The following NOD1 variants were observed in gnomAD, a reference collection of about 807,000 sequenced individuals.
NOD1 encodes nucleotide-binding oligomerization domain-containing protein 1.
In NOD1, 70 loss-of-function variants were observed where a neutral mutation model predicts 81.2. That is an observed-to-expected ratio of 0.86 (90% CI 0.71 to 1.05). NOD1 has a LOEUF of 1.05. NOD1 is among the 50% of genes least tolerant of loss of function. NOD1 has a pLI of 0.00. For synonymous variants in NOD1, 508 were observed against 526.9 expected, an observed-to-expected ratio of 0.96 and a Z score of 0.49; for missense variants, 1,233 against 1,228.0, an observed-to-expected ratio of 1.00 and a Z score of -0.06.
Position 30,467,657 on chromosome 7 carries a change from G to A in NOD1, c.-351-7616C>T, listed in dbSNP as rs377760479. On this transcript the variant is annotated intron_variant, in intron 1 of 13. Coordinates refer to ENST00000222823, the MANE Select transcript of NOD1 (RefSeq NM_006092.4). The surrounding 1 kb of genome is among the most constrained non-coding windows in gnomAD (Gnocchi z 4.5). ...TGAAAGTATCACAATAAATCTGATG[G>A]GATTGTGGGTGGGAACAGTTTTTTT... 1.6e-4 allele frequency among the ~76,000 whole-genome samples: 25 copies of A among 152,208 alleles called. No individual in the cohort carries two copies. The South Asian group carries it at 4.8e-3, about 29-fold the overall frequency.
intron 8 of NOD1, 43 bp downstream of exon 8, chr7:30,446,924 A>T: frequency 6.8e-7 from 1 of 1,460,802 alleles, no homozygotes; most frequent in Non-Finnish European, 9.5e-7. Context: ...GAAGGGGGTG[A>T]TCAAGAGAAT....
chr7:30,446,879 A>C (rs1218164077), intron 8 of NOD1, 88 bp downstream of exon 8: 1 of 1,074,348 alleles, frequency 9.3e-7, no homozygotes, highest in Admixed American at 2.2e-5. Flanking sequence ...TTAGGATGAA[A>C]GCTCTTTACT....
intron 6 of NOD1, among the ~76,000 whole-genome samples, chr7:30,448,748 A>T (rs1038344873): frequency 6.6e-6 from 1 of 152,304 alleles, no homozygotes; most frequent in African/African-American, 2.4e-5. Flanking sequence ...ATGGGTTTGG[A>T]AATGTCAGGG....
At chr7:30,446,810 A>T (rs989846636) in intron 8 of NOD1, 157 bp downstream of exon 8, 1 of 620,456 alleles carries the variant, frequency 1.6e-6, no homozygotes, top group Admixed American at 3.2e-5. Flanking sequence ...TCCAAGCCTC[A>T]CAGATCACAC....
At chr7:30,476,192 A>G (rs1016118904) in intron 1 of NOD1, among the ~76,000 whole-genome samples, 3 of 152,356 alleles carry the variant, frequency 2.0e-5, no homozygotes, top group East Asian at 1.9e-4. Context: ...TTGAACAAAT[A>G]TTGAATCCTT....
intron 12 of NOD1, among the ~76,000 whole-genome samples, chr7:30,430,119 G>A (rs1312472595): frequency 6.6e-6 from 1 of 152,160 alleles, no homozygotes; most frequent in East Asian, 1.9e-4. Context: ...GGTAGCTAGG[G>A]AAAGGCAAGG....
Position 30,452,708 on chromosome 7 carries a change from G to C in NOD1, c.709C>G (p.Arg237Gly), listed in dbSNP as rs565502191. The change falls in exon 6 of 14, where the codon CGC becomes GGC. Residue 237 changes from arginine to glycine, a missense_variant. By Grantham distance (125) the Arg-to-Gly change is moderately radical. Coordinates refer to ENST00000222823, the MANE Select transcript of NOD1 (RefSeq NM_006092.4). Reference protein sequence around the residue: ...GVKFFFHFRCRMFSCFKESDR... With the variant: ...GVKFFFHFRCGMFSCFKESDR... Reference sequence around the variant, plus strand: ...CTTTCCTTGAAGCAGCTGAACATGCGGCAGCGAAAGTGGAAGAAGAATTTG... The same window carrying C: ...CTTTCCTTGAAGCAGCTGAACATGCCGCAGCGAAAGTGGAAGAAGAATTTG... The C allele has an allele frequency of 6.2e-7, 1 of 1,613,942 alleles. No individual in the cohort carries two copies. Among genetic ancestry groups the C allele is most frequent in the Non-Finnish European group, 8.5e-7 (1 of 1,180,042 alleles).
chr7:30,437,283 A>G (rs1784460841), intron 10 of NOD1, among the ~76,000 whole-genome samples: 1 of 152,200 alleles, frequency 6.6e-6, no homozygotes, highest in Non-Finnish European at 1.5e-5. Flanking sequence ...TGCAGGGCTT[A>G]AAACCTAGAT....
chr7:30,472,641 A>G (rs1792824242), intron 1 of NOD1, among the ~76,000 whole-genome samples: 1 of 152,238 alleles, frequency 6.6e-6, no homozygotes, highest in Admixed American at 6.5e-5. Flanking sequence ...GGAGGTGAAT[A>G]GGTTTAAATG....
intron 11 of NOD1, 139 bp downstream of exon 11, chr7:30,435,859 A>G: frequency 1.5e-6 from 1 of 661,146 alleles, no homozygotes; most frequent in Non-Finnish European, 2.6e-6. Flanking sequence ...TCGGAAGGCC[A>G]AGGCGGGAGG....
At chr7:30,431,500 T>C (rs891818925) in intron 12 of NOD1, among the ~76,000 whole-genome samples, 3 of 152,236 alleles carry the variant, frequency 2.0e-5, no homozygotes, top group Non-Finnish European at 2.9e-5. Flanking sequence ...CATACATTTA[T>C]GGTCAATTGA....
chr7:30,475,656 G>A (rs1788699086), intron 1 of NOD1, among the ~76,000 whole-genome samples: 1 of 152,234 alleles, frequency 6.6e-6, no homozygotes, highest in Non-Finnish European at 1.5e-5. Flanking sequence ...AGGGAGGATG[G>A]CGAAGAGAAG....
chr7:30,427,100 T>G (rs928098017), intron 13 of NOD1, among the ~76,000 whole-genome samples: 8 of 152,308 alleles, frequency 5.3e-5, no homozygotes, highest in Admixed American at 5.2e-4. Flanking sequence ...CAGTCCCTGA[T>G]GCTCAAGCGT....
rs199476265 is a variant in NOD1 at position 30,448,408 on chromosome 7, G to A, written c.2202-27C>T. On this transcript the variant is annotated intron_variant, in intron 6 of 13. Coordinates refer to ENST00000222823, the MANE Select transcript of NOD1 (RefSeq NM_006092.4). The stretch of plus-strand genomic sequence containing the variant: ...TGAAATAAAACAGCAAAAAAATTAC[G>A]AGTCAGGGCAGGCACTCATTATGAA... The A allele has an allele frequency of 7.6e-6, 12 of 1,576,988 alleles. No individual in the cohort carries two copies. Among genetic ancestry groups the A allele is most frequent in the South Asian group, 5.5e-5 (5 of 90,372 alleles).
At chr7:30,457,834 T>G (rs1295955331) in intron 3 of NOD1, among the ~76,000 whole-genome samples, 1 of 151,796 alleles carries the variant, frequency 6.6e-6, no homozygotes, top group East Asian at 1.9e-4. Context: ...CTGCGGACGG[T>G]GATGTCTCAG....
At chr7:30,429,265 G>A (rs1783731310) in intron 13 of NOD1, 109 bp downstream of exon 13, 9 of 890,836 alleles carry the variant, frequency 1.0e-5, no homozygotes, top group Non-Finnish European at 1.5e-5. Context: ...TACTGTGCAG[G>A]GTTGCTGGAG....
At chr7:30,462,749 G>C (rs1018482446) in intron 1 of NOD1, among the ~76,000 whole-genome samples, 43 of 152,130 alleles carry the variant, frequency 2.8e-4, no homozygotes, top group African/African-American at 1.0e-3. Flanking sequence ...AGGAGTTCGA[G>C]ACCAGCCTGG....
chr7:30,456,113 C>G (rs1461175658), intron 4 of NOD1, among the ~76,000 whole-genome samples: 1 of 152,216 alleles, frequency 6.6e-6, no homozygotes, highest in African/African-American at 2.4e-5. Flanking sequence ...CTACTGCTTC[C>G]CCCAGAAACC....
At chr7:30,446,813 G>C (rs1785139277) in intron 8 of NOD1, 154 bp downstream of exon 8, 2 of 628,512 alleles carry the variant, frequency 3.2e-6, no homozygotes, top group Admixed American at 6.3e-5. Context: ...AAGCCTCACA[G>C]ATCACACAGA....
Sources: allele counts gnomAD v4.1 joint callset (sites outside exome capture counted in the v4.1 genomes callset), GRCh38; gene constraint gnomAD v4.1.1; non-coding constraint Gnocchi (gnomAD v3.1); transcripts MANE v1.5; gene names NCBI Gene and HGNC (gene_info 2026-07-23, HGNC 2026-07-21).